RBM27: variants seen among roughly 807,000 people sequenced by gnomAD.
RBM27 encodes the protein RNA-binding protein 27.
RBM27 carries 22 observed loss-of-function variants against 135.3 expected under a neutral mutation model. The observed-to-expected ratio is 0.16, with a 90% CI of 0.12 to 0.23. The LOEUF (loss-of-function observed/expected upper bound fraction) is 0.23, where lower values mean the gene tolerates loss of function less well. Ranked by LOEUF, RBM27 falls within the 10% of genes least tolerant of loss-of-function variation. RBM27 has a pLI of 1.00. For synonymous variants in RBM27, 481 were observed against 442.4 expected (o/e 1.09, Z -1.10); for missense variants, 1,009 against 1,281.0 (o/e 0.79, Z 3.24).
intron 19 of RBM27, among the ~76,000 whole-genome samples, chr5:146,280,942 T>C (rs1759323864): frequency 6.6e-6 from 1 of 152,020 alleles, no homozygotes; most frequent in Non-Finnish European, 1.5e-5. Context: ...ACTGCAGCCT[T>C]CGCCTCCCGG....
intron 1 of RBM27, among the ~76,000 whole-genome samples, chr5:146,208,529 A>G (rs567875472): frequency 2.0e-4 from 30 of 152,330 alleles, no homozygotes; most frequent in African/African-American, 7.2e-4. Flanking sequence ...CTCTTTCCCT[A>G]CAGCTGCATG....
intron 1 of RBM27, among the ~76,000 whole-genome samples, chr5:146,204,712 G>A (rs1334800423): frequency 6.6e-6 from 1 of 152,166 alleles, no homozygotes; most frequent in African/African-American, 2.4e-5. Flanking sequence ...AAGTATTCTT[G>A]TGCCATTGAG....
At chr5:146,270,919 T>TA (rs1198946882) in intron 17 of RBM27, 35 bp from the exon 18 acceptor site, 3 of 1,420,118 alleles carry the variant, frequency 2.1e-6, no homozygotes, top group East Asian at 4.6e-5. Context: ...GTAAGTTATC[T>TA]AAAAAATACC....
At chr5:146,238,775 C>T (rs1361109867) in intron 8 of RBM27, among the ~76,000 whole-genome samples, 1 of 150,072 alleles carries the variant, frequency 6.7e-6, no homozygotes, top group Non-Finnish European at 1.5e-5. Flanking sequence ...TCTTTGATGT[C>T]TTGGAGAGGC....
rs753810937 is a variant in RBM27, at chr5:146,229,704, CTG to C, written c.396-11_396-10del. 2 of 1,575,718 alleles carry C rather than the reference CTG, an allele frequency of 1.3e-6. No homozygotes were observed. Among genetic ancestry groups the C allele is most frequent in the Non-Finnish European group, 1.7e-6 (2 of 1,149,304 alleles). ...TATAGCCTGCATATGGCTTTTATAT[CTG>C]TATATTATAGGACACGTGAGAAAAA... On this transcript the variant is annotated splice_polypyrimidine_tract_variant and intron_variant, in intron 4 of 20. Coordinates refer to ENST00000265271, the MANE Select transcript of RBM27 (RefSeq NM_018989.2).
intron 19 of RBM27, among the ~76,000 whole-genome samples, 195 bp from the exon 20 acceptor site, chr5:146,284,427 C>T (rs554575518): frequency 3.9e-5 from 6 of 152,196 alleles, no homozygotes; most frequent in South Asian, 2.1e-4. Flanking sequence ...CATGGGTTAT[C>T]CTAGGCAAAC....
chr5:146,286,615 G>C lies in RBM27; in HGVS notation c.*585G>C, dbSNP rs1194892956. ...ATGGTTTTTATGTGTGGTAGTACTA[G>C]TTCAGTGAAAATCACAACAAACTGT... On this transcript the variant is annotated 3_prime_UTR_variant, in exon 21 of 21. Transcript: ENST00000265271. 1 of 151,226 alleles carries C rather than the reference G, an allele frequency of 6.6e-6. No individual in the cohort carries two copies. The highest frequency in any genetic ancestry group is 1.5e-5 in the Non-Finnish European group (1 of 67,958). 9.4% of individuals were successfully genotyped at this position (151,226 alleles called of 1,614,324 possible). A position where few individuals can be genotyped will look rare whatever the true frequency, so the allele number is the denominator to read the frequency against.
chr5:146,207,375 G>A (rs1177556803), intron 1 of RBM27, among the ~76,000 whole-genome samples: 3 of 151,610 alleles, frequency 2.0e-5, no homozygotes, highest in South Asian at 2.1e-4. Flanking sequence ...CACCATGCCC[G>A]GCTAATTTTT....
intron 1 of RBM27, among the ~76,000 whole-genome samples, chr5:146,215,030 A>G (rs554803905): frequency 6.6e-6 from 1 of 152,262 alleles, no homozygotes; most frequent in African/African-American, 2.4e-5. Context: ...TATGCTAAAT[A>G]TATGTAAAAG....
intron 19 of RBM27, among the ~76,000 whole-genome samples, chr5:146,277,596 C>T (rs1759147221): frequency 6.8e-6 from 1 of 147,700 alleles, no homozygotes; most frequent in South Asian, 2.1e-4. Flanking sequence ...GATCTTGGCT[C>T]CCTGCAACCT....
chr5:146,206,340 T>C (rs1294638901), intron 1 of RBM27, among the ~76,000 whole-genome samples: 5 of 149,802 alleles, frequency 3.3e-5, no homozygotes, highest in Non-Finnish European at 4.4e-5. Flanking sequence ...AAGGTTAGTC[T>C]GGGTGGGAGC....
At position 146,258,571 on chromosome 5, in the gene RBM27, A is replaced by G. The variant is rs1758222985; in HGVS notation, c.1717A>G (p.Thr573Ala). ...TATGAGTGGTTTGGAAGGGCCACTC[A>G]CAAAGAAACCTTGGCTGGGAAAGTA... ...RAMSGLEGPL[T>A]KKPWLGKQGN... Residue 573 changes from threonine to alanine, a missense_variant, in exon 11 of 21, where the codon ACA becomes GCA. Thr to Ala is a moderately conservative substitution (Grantham distance 58, BLOSUM62 0). Transcript: ENST00000265271. 6.3e-7 allele frequency: 1 copy of G among 1,575,794 alleles called. No individual in the cohort carries two copies. Among genetic ancestry groups the G allele is most frequent in the African/African-American group, 1.4e-5 (1 of 73,242 alleles).
intron 1 of RBM27, among the ~76,000 whole-genome samples, chr5:146,204,522 C>A (rs1293924958): frequency 7.9e-6 from 1 of 126,328 alleles, no homozygotes; most frequent in African/African-American, 3.2e-5. Context: ...GAACTGATGA[C>A]TTTTAGATAC....
At position 146,288,989 on chromosome 5, in the gene RBM27, T is replaced by A. The variant is rs1759692679; in HGVS notation, c.*2959T>A. 1 of 152,150 alleles carries A rather than the reference T, an allele frequency of 6.6e-6. No individual in the cohort carries two copies. The highest frequency in any genetic ancestry group is 2.4e-5 in the African/African-American group (1 of 41,464). The allele number at this position is 152,150 out of a possible 1,614,324, so 9.4% of individuals were successfully genotyped here. A position where few individuals can be genotyped will look rare whatever the true frequency, so the allele number is the denominator to read the frequency against. ...AAAATTGTGAACTTGTGTAATAGTA[T>A]AATAGGAGATATTGTTGAATTTCTA... On this transcript the variant is annotated 3_prime_UTR_variant, in exon 21 of 21. Coordinates refer to ENST00000265271, the MANE Select transcript of RBM27 (RefSeq NM_018989.2).
chr5:146,221,300 C>T (rs552137157), intron 2 of RBM27, among the ~76,000 whole-genome samples: 1 of 152,094 alleles, frequency 6.6e-6, no homozygotes, highest in Non-Finnish European at 1.5e-5. Context: ...CTGTTATCAG[C>T]TTGTGTGTGT....
intron 9 of RBM27, 88 bp downstream of exon 9, chr5:146,251,963 T>G: frequency 7.2e-7 from 1 of 1,392,076 alleles, no homozygotes; most frequent in Non-Finnish European, 1.0e-6. Flanking sequence ...CATCCTGATC[T>G]GCTGTTACAA....
chr5:146,273,248 C>T (rs1340195062), intron 19 of RBM27, among the ~76,000 whole-genome samples: 1 of 152,134 alleles, frequency 6.6e-6, no homozygotes, highest in African/African-American at 2.4e-5. Context: ...CCTGTGGTCA[C>T]TGGAGACTAT....
At chr5:146,271,903 G>A (rs72806143) in intron 19 of RBM27, among the ~76,000 whole-genome samples, 1,809 of 152,260 alleles carry the variant, frequency 0.012, 15 homozygotes, top group Non-Finnish European at 0.019. Flanking sequence ...TTGTTCCAGA[G>A]CTATATTTAA....
At chr5:146,261,261 G>A (rs1236045859) in intron 12 of RBM27, 1 of 561,682 alleles carries the variant, frequency 1.8e-6, no homozygotes, top group Non-Finnish European at 3.1e-6. Flanking sequence ...CAGAGAAAGA[G>A]AAAGAGGGGG....
Sources: allele counts gnomAD v4.1 joint callset (sites outside exome capture counted in the v4.1 genomes callset), GRCh38; gene constraint gnomAD v4.1.1; transcripts MANE v1.5; gene names NCBI Gene and HGNC (gene_info 2026-07-23, HGNC 2026-07-21).